The following PDE4D variants were observed in gnomAD, a reference collection of about 807,000 sequenced individuals.
PDE4D encodes the protein 3',5'-cyclic-AMP phosphodiesterase 4D.
Under a neutral mutation model 87.4 loss-of-function variants are expected in PDE4D, and 24 were observed. That is an observed-to-expected ratio of 0.27 (90% CI 0.20 to 0.39). PDE4D has a LOEUF of 0.39. Ranked by LOEUF, PDE4D falls within the 10% of genes least tolerant of loss-of-function variation. The probability of loss-of-function intolerance (pLI) is 1.00; values close to 1 mark genes in which losing one functional copy is unlikely to be tolerated. For synonymous variants in PDE4D, 384 were observed against 383.2 expected (o/e 1.00, Z -0.02); for missense variants, 714 against 1,041.0 (o/e 0.69, Z 4.32).
At chr5:59,563,532 C>A (rs1424408725) in intron 1 of PDE4D, among the ~76,000 whole-genome samples, 1 of 152,204 alleles carries the variant, frequency 6.6e-6, no homozygotes, top group Non-Finnish European at 1.5e-5. Context: ...TGAGTGGTCA[C>A]TATGTACCAG....
intron 1 of PDE4D, among the ~76,000 whole-genome samples, chr5:59,329,357 C>A (rs1353040909): frequency 1.3e-5 from 2 of 152,096 alleles, no homozygotes; most frequent in African/African-American, 4.8e-5. Context: ...TGCTAGGAAA[C>A]CCCCAACTAG....
At chr5:59,061,919 TAG>T (rs1763185965) in intron 5 of PDE4D, among the ~76,000 whole-genome samples, 1 of 151,868 alleles carries the variant, frequency 6.6e-6, no homozygotes, top group Non-Finnish European at 1.5e-5. Flanking sequence ...ACCACCGAAG[TAG>T]AGACCTTCAC....
chr5:59,614,607 T>C (rs1829424195), intron 1 of PDE4D, among the ~76,000 whole-genome samples: 1 of 152,142 alleles, frequency 6.6e-6, no homozygotes. Flanking sequence ...AGAATACCAA[T>C]CCTGTTTACC....
intron 1 of PDE4D, among the ~76,000 whole-genome samples, chr5:59,891,806 C>CACACACAA (rs1244604461): frequency 1.3e-5 from 2 of 151,818 alleles, no homozygotes; most frequent in Admixed American, 1.3e-4. Context: ...CACACACACA[C>CACACACAA]AAAACTCAAA....
At chr5:59,154,041 C>T (rs1001655474) in intron 5 of PDE4D, among the ~76,000 whole-genome samples, 6 of 152,048 alleles carry the variant, frequency 3.9e-5, no homozygotes, top group Admixed American at 3.3e-4. Flanking sequence ...AAGAGTCAGC[C>T]AGGGGCTGGG....
chr5:60,366,700 C>T (rs1455425991), intron 1 of PDE4D, among the ~76,000 whole-genome samples: 2 of 152,168 alleles, frequency 1.3e-5, no homozygotes, highest in African/African-American at 4.8e-5. Flanking sequence ...GTGTGGCTGC[C>T]GTTCTGCACT....
Position 59,392,503 on chromosome 5 carries a change from C to CTATATATATATATATATATATA in PDE4D, c.456-176536_456-176535insTATATATATATATATATATATA, listed in dbSNP as rs3061702. Among the ~76,000 whole-genome samples the CTATATATATATATATATATATA allele has an allele frequency of 9.5e-3, 1,324 of 138,912 alleles. 20 individuals are homozygous for CTATATATATATATATATATATA. The highest frequency in any genetic ancestry group is 0.028 in the African/African-American group (1,017 of 36,766). 91.1% of individuals were successfully genotyped at this position (138,912 alleles called of 152,430 possible). A position where few individuals can be genotyped will look rare whatever the true frequency, so the allele number is the denominator to read the frequency against. On this transcript the variant is annotated intron_variant, in intron 1 of 14. Coordinates refer to ENST00000340635, the MANE Select transcript of PDE4D (RefSeq NM_001104631.2). ...ACCCTTTATATATATGTGTGTGTGT[C>CTATATATATATATATATATATA]TATATATATATATATATATATTCCA...
At chr5:59,928,463 A>G (rs2152785376) in intron 3 of PDE4D, among the ~76,000 whole-genome samples, 1 of 152,212 alleles carries the variant, frequency 6.6e-6, no homozygotes, top group South Asian at 2.1e-4. Flanking sequence ...CTATAATCCC[A>G]GCTAGTCGGG....
chr5:59,774,556 T>C (rs1561642613), intron 1 of PDE4D, among the ~76,000 whole-genome samples: 1 of 88,004 alleles, frequency 1.1e-5, no homozygotes, highest in African/African-American at 8.2e-5. Flanking sequence ...TCTAGTTATA[T>C]GGGGTTTTTT....
At chr5:59,398,743 G>A (rs1219943648) in intron 1 of PDE4D, among the ~76,000 whole-genome samples, 2 of 117,746 alleles carry the variant, frequency 1.7e-5, no homozygotes, top group Non-Finnish European at 3.5e-5. Flanking sequence ...CAATTAGGCA[G>A]GAGAAGGAAA....
chr5:59,475,246 G>A (rs1330139227), intron 1 of PDE4D, among the ~76,000 whole-genome samples: 2 of 151,988 alleles, frequency 1.3e-5, no homozygotes, highest in Non-Finnish European at 2.9e-5. Context: ...GCCTGCAAAC[G>A]GACAAGGCCA....
At chr5:59,236,344 T>A (rs1756421432) in intron 1 of PDE4D, among the ~76,000 whole-genome samples, 1 of 152,230 alleles carries the variant, frequency 6.6e-6, no homozygotes, top group Non-Finnish European at 1.5e-5. Flanking sequence ...GGGACTTAGC[T>A]ATTTCATCAA....
chr5:60,289,474 G>A (rs1360857554), intron 1 of PDE4D, among the ~76,000 whole-genome samples: 1 of 152,088 alleles, frequency 6.6e-6, no homozygotes, highest in Non-Finnish European at 1.5e-5. Flanking sequence ...CTTCTGTTCT[G>A]TTTCTCTCAT....
chr5:59,804,345 C>T (rs1767499477), intron 1 of PDE4D, among the ~76,000 whole-genome samples: 1 of 152,172 alleles, frequency 6.6e-6, no homozygotes, highest in Non-Finnish European at 1.5e-5. Flanking sequence ...CTGCCAGAGA[C>T]ATTATTTGGT....
intron 2 of PDE4D, among the ~76,000 whole-genome samples, chr5:59,194,925 G>A (rs1745123235): frequency 6.6e-6 from 1 of 152,146 alleles, no homozygotes; most frequent in Admixed American, 6.5e-5. Flanking sequence ...ATTAGGTCAG[G>A]AGGGCTTCAC....
At chr5:59,667,658 C>G (rs528714029) in intron 1 of PDE4D, among the ~76,000 whole-genome samples, 1 of 152,112 alleles carries the variant, frequency 6.6e-6, no homozygotes, top group Non-Finnish European at 1.5e-5. Flanking sequence ...CTTTTTCAAG[C>G]GCCATATTAG....
chr5:59,191,377 T>C (rs903495019), intron 3 of PDE4D, among the ~76,000 whole-genome samples: 1 of 151,776 alleles, frequency 6.6e-6, no homozygotes, highest in African/African-American at 2.4e-5. Flanking sequence ...TTTTCATTTG[T>C]TATTAAATAT....
chr5:60,182,088 A>G (rs1367953788), intron 2 of PDE4D, among the ~76,000 whole-genome samples: 1 of 152,220 alleles, frequency 6.6e-6, no homozygotes, highest in Admixed American at 6.5e-5. Context: ...TTGATAGGAC[A>G]AGATACTTCA....
chr5:59,182,336 C>T lies in PDE4D; in HGVS notation c.759-1692G>A, dbSNP rs561744517. Among the ~76,000 whole-genome samples the T allele has an allele frequency of 9.6e-4, 145 of 151,798 alleles. 1 individual carries two copies. Among genetic ancestry groups the T allele is most frequent in the Non-Finnish European group, 1.8e-3 (121 of 67,944 alleles). On this transcript the variant is annotated intron_variant, in intron 4 of 14. Coordinates refer to ENST00000340635, the MANE Select transcript of PDE4D (RefSeq NM_001104631.2). ...GCAGTGGTGTGATCATAGCTCACTA[C>T]AGCCTAGAACTCCTGAGCTCTAGTG...
Sources: allele counts gnomAD v4.1 joint callset (sites outside exome capture counted in the v4.1 genomes callset), GRCh38; gene constraint gnomAD v4.1.1; transcripts MANE v1.5; gene names NCBI Gene and HGNC (gene_info 2026-07-23, HGNC 2026-07-21).